The following LYPD6B variants were observed in gnomAD, a reference collection of about 807,000 sequenced individuals.
LYPD6B encodes ly6/PLAUR domain-containing protein 6B.
LYPD6B carries 17 observed loss-of-function variants against 22.8 expected under a neutral mutation model. That is an observed-to-expected ratio of 0.75 (90% CI 0.51 to 1.12). The LOEUF is 1.12. Among genes scored for constraint, LYPD6B ranks in the 50% most tolerant of loss-of-function variants. The pLI is 0.00. For missense variants in LYPD6B, 221 were observed against 258.3 expected, an observed-to-expected ratio of 0.86 and a Z score of 0.99; for synonymous variants, 106 against 91.6, an observed-to-expected ratio of 1.16 and a Z score of -0.90.
chr2:149,212,670 C>A lies in LYPD6B; in HGVS notation c.329-322C>A, dbSNP rs566098751. On this transcript the variant is annotated intron_variant, in intron 5 of 6. Coordinates refer to ENST00000409642, the MANE Select transcript of LYPD6B (RefSeq NM_177964.5). ...TCAGAGGGAGAGAGAGGGCCAGAGA[C>A]ATAAATATTTTCATATCAAATGAGC... is the stretch of plus-strand genomic sequence containing the variant. Among the ~76,000 whole-genome samples the A allele has an allele frequency of 3.4e-3, 513 of 152,240 alleles. 2 individuals are homozygous for A. Among genetic ancestry groups the A allele is most frequent in the Non-Finnish European group, 2.9e-3 (200 of 68,016 alleles).
At chr2:149,130,265 G>A (rs964280738) in intron 1 of LYPD6B, among the ~76,000 whole-genome samples, 5 of 152,170 alleles carry the variant, frequency 3.3e-5, no homozygotes, top group African/African-American at 9.7e-5. Flanking sequence ...GATGTATGAC[G>A]TTTTTATTAT....
intron 1 of LYPD6B, among the ~76,000 whole-genome samples, chr2:149,129,286 G>A (rs927284515): frequency 2.8e-4 from 42 of 152,306 alleles, no homozygotes; most frequent in African/African-American, 1.0e-3. Flanking sequence ...AGCTATAGCG[G>A]GTGAAGTTAC....
At chr2:149,052,089 G>A (rs1467344649) in intron 1 of LYPD6B, among the ~76,000 whole-genome samples, 12 of 151,712 alleles carry the variant, frequency 7.9e-5, no homozygotes, top group Non-Finnish European at 1.2e-4. Context: ...ATGGAGTCTC[G>A]CTCTGTCACT....
chr2:149,064,031 A>T (rs774271396), intron 1 of LYPD6B, among the ~76,000 whole-genome samples: 2 of 152,280 alleles, frequency 1.3e-5, no homozygotes, highest in Non-Finnish European at 2.9e-5. Context: ...TTTAATAGCT[A>T]CCATTTATTG....
chr2:149,058,831 G>A (rs1558972846), intron 1 of LYPD6B, among the ~76,000 whole-genome samples: 1 of 152,200 alleles, frequency 6.6e-6, no homozygotes, highest in Non-Finnish European at 1.5e-5. Flanking sequence ...TGTTGGCCAG[G>A]CTGGTCTTGA....
intron 1 of LYPD6B, among the ~76,000 whole-genome samples, chr2:149,049,248 A>G (rs960500980): frequency 2.6e-5 from 4 of 152,146 alleles, no homozygotes; most frequent in African/African-American, 9.7e-5. Flanking sequence ...CTCTCTCATC[A>G]TTGAAATGTA....
At chr2:149,110,689 G>A (rs533291096) in intron 1 of LYPD6B, among the ~76,000 whole-genome samples, 11 of 152,156 alleles carry the variant, frequency 7.2e-5, no homozygotes, top group Non-Finnish European at 7.4e-5. Context: ...ATAGATTAGA[G>A]ATGTGTTTCG....
intron 1 of LYPD6B, among the ~76,000 whole-genome samples, chr2:149,102,325 G>C (rs1352573406): frequency 2.0e-5 from 3 of 152,184 alleles, no homozygotes; most frequent in African/African-American, 7.2e-5. Flanking sequence ...GAGACACAGT[G>C]AGACGGAACT....
At chr2:149,128,351 A>G (rs982343871) in intron 1 of LYPD6B, among the ~76,000 whole-genome samples, 1 of 152,220 alleles carries the variant, frequency 6.6e-6, no homozygotes, top group African/African-American at 2.4e-5. Context: ...GTCTTTAATT[A>G]GTAGAGCAGG....
chr2:149,155,589 G>A (rs1028948327), intron 2 of LYPD6B, among the ~76,000 whole-genome samples: 30 of 152,314 alleles, frequency 2.0e-4, no homozygotes, highest in Admixed American at 5.2e-4. Context: ...GGCTTTGTCC[G>A]GAGGCTGGTG....
chr2:149,114,841 G>T (rs943442327), intron 1 of LYPD6B, among the ~76,000 whole-genome samples: 1 of 152,188 alleles, frequency 6.6e-6, no homozygotes, highest in African/African-American at 2.4e-5. Flanking sequence ...AATGACTACA[G>T]ATATCAGTGA....
At chr2:149,205,548 C>A in intron 4 of LYPD6B, 144 bp downstream of exon 4, 2 of 906,586 alleles carry the variant, frequency 2.2e-6, no homozygotes, top group East Asian at 4.9e-5. Flanking sequence ...TCCATTACTT[C>A]TATGGGTAAG....
intron 3 of LYPD6B, chr2:149,204,390 A>G (rs1210913389): frequency 6.5e-6 from 1 of 154,384 alleles, no homozygotes; most frequent in African/African-American, 2.4e-5. Context: ...TGGTGACATT[A>G]TAAATTTTCT....
At chr2:149,080,145 G>A (rs1186608732) in intron 1 of LYPD6B, among the ~76,000 whole-genome samples, 1 of 152,188 alleles carries the variant, frequency 6.6e-6, no homozygotes, top group South Asian at 2.1e-4. Context: ...CAAGGTGATG[G>A]CAAGGCTGGG....
intron 2 of LYPD6B, among the ~76,000 whole-genome samples, chr2:149,157,572 T>A (rs1393583948): frequency 6.6e-6 from 1 of 152,208 alleles, no homozygotes; most frequent in Non-Finnish European, 1.5e-5. Context: ...CAAAAATGGT[T>A]GTTTTTTGTT....
At chr2:149,125,732 C>T (rs1157322167) in intron 1 of LYPD6B, among the ~76,000 whole-genome samples, 1 of 152,130 alleles carries the variant, frequency 6.6e-6, no homozygotes, top group Non-Finnish European at 1.5e-5. Context: ...ACTCCTTTTA[C>T]CATCACAGTG....
chr2:149,060,841 G>A (rs537595343), intron 1 of LYPD6B, among the ~76,000 whole-genome samples: 10 of 152,174 alleles, frequency 6.6e-5, no homozygotes, highest in Non-Finnish European at 1.5e-4. Flanking sequence ...GGCACAGGCT[G>A]CATTTAATGT....
intron 1 of LYPD6B, among the ~76,000 whole-genome samples, chr2:149,125,022 A>G (rs1252603855): frequency 6.6e-6 from 1 of 152,214 alleles, no homozygotes; most frequent in Non-Finnish European, 1.5e-5. Context: ...ATTTTCTAAG[A>G]AGCAAGTTGG....
At chr2:149,194,184 G>A (rs766089317) in intron 3 of LYPD6B, among the ~76,000 whole-genome samples, 2 of 152,046 alleles carry the variant, frequency 1.3e-5, no homozygotes. Flanking sequence ...TACCCTGATT[G>A]GTTTGTAGCA....
Sources: allele counts gnomAD v4.1 joint callset (sites outside exome capture counted in the v4.1 genomes callset), GRCh38; gene constraint gnomAD v4.1.1; transcripts MANE v1.5; gene names NCBI Gene and HGNC (gene_info 2026-07-23, HGNC 2026-07-21).